EFTUD2: variants seen among roughly 807,000 people sequenced by gnomAD.
EFTUD2 encodes 116 kDa U5 small nuclear ribonucleoprotein component.
EFTUD2 carries 9 observed loss-of-function variants against 114.3 expected under a neutral mutation model. The observed-to-expected ratio is 0.08, with a 90% CI of 0.05 to 0.14. The LOEUF is 0.14. EFTUD2 is among the 10% of genes least tolerant of loss of function. The pLI, the probability that EFTUD2 is intolerant of heterozygous loss-of-function variation, is 1.00. For synonymous variants in EFTUD2, 449 were observed against 462.3 expected, an observed-to-expected ratio of 0.97 and a Z score of 0.37; for missense variants, 765 against 1,241.2, an observed-to-expected ratio of 0.62 and a Z score of 5.76.
At chr17:44,852,123 G>A (rs751635098) in intron 26 of EFTUD2, among the ~76,000 whole-genome samples, 55 of 151,924 alleles carry the variant, frequency 3.6e-4, no homozygotes, top group Non-Finnish European at 6.3e-4. Context: ...CTGCATGTTG[G>A]TCAAGCTGGT....
intron 4 of EFTUD2, among the ~76,000 whole-genome samples, chr17:44,884,591 T>C (rs1561967): frequency 0.26 from 39,721 of 151,474 alleles, 5,282 homozygotes; most frequent in Non-Finnish European, 0.28. Flanking sequence ...TTGCTCTCCT[T>C]TTCAAAATAA....
intron 9 of EFTUD2, among the ~76,000 whole-genome samples, chr17:44,878,106 A>T (rs1374302839): frequency 2.6e-5 from 4 of 152,234 alleles, no homozygotes. Context: ...ACTTCACTCC[A>T]GCCTGGGCAA....
Position 44,853,509 on chromosome 17 carries a change from T to C in EFTUD2, c.2466+8A>G, listed in dbSNP as rs1422774479. On this transcript the variant is annotated splice_region_variant and intron_variant, in intron 24 of 27. Transcript: ENST00000426333. ...AGCAGATGGTCCCCTACCGCCCCAT[T>C]CTCTTACCATGAGGAAGGCAGAGTA... 1 of 1,614,034 alleles carries C rather than the reference T, an allele frequency of 6.2e-7. No individual in the cohort carries two copies. The highest frequency in any genetic ancestry group is 1.7e-5 in the Admixed American group (1 of 60,006).
intron 20 of EFTUD2, among the ~76,000 whole-genome samples, chr17:44,856,115 A>G (rs2145443232): frequency 8.1e-6 from 1 of 124,220 alleles, no homozygotes; most frequent in South Asian, 3.1e-4. Flanking sequence ...TGGGTGACGA[A>G]GTGAGACCCT....
intron 6 of EFTUD2, 90 bp from the exon 7 acceptor site, chr17:44,881,812 C>A (rs2051077632): frequency 4.0e-6 from 5 of 1,243,284 alleles, no homozygotes; most frequent in Non-Finnish European, 5.9e-6. Flanking sequence ...TACCTCCCAG[C>A]TCAAGGGTTT....
chr17:44,873,920 G>C (rs144244589), intron 10 of EFTUD2, among the ~76,000 whole-genome samples: 1,870 of 149,558 alleles, frequency 0.013, 69 homozygotes, highest in African/African-American at 0.044. Context: ...TTTTTTAGTA[G>C]AGATGGGGTT....
In EFTUD2 at chr17:44,854,187, A is replaced by G; in HGVS notation, c.2347+82T>C. 6.8e-7 allele frequency: 1 copy of G among 1,473,144 alleles called. No homozygotes were observed. 91.3% of individuals were successfully genotyped at this position (1,473,144 alleles called of 1,614,324 possible). On this transcript the variant is annotated intron_variant, in intron 23 of 27. Coordinates refer to ENST00000426333, the MANE Select transcript of EFTUD2 (RefSeq NM_004247.4). The surrounding 1 kb of genome is among the most constrained non-coding windows in gnomAD (Gnocchi z 4.3). ...CAAGCTGCTTCTCCTGCCGAATCCT[A>G]AAGATGGTGAGCCCATCCCACTCAT...
intron 25 of EFTUD2, 118 bp downstream of exon 25, chr17:44,853,177 CG>C: frequency 1.9e-6 from 2 of 1,038,356 alleles, no homozygotes; most frequent in Admixed American, 2.3e-5. Context: ...AATCAGCTCT[CG>C]GGGTTTCCAG....
At chr17:44,893,758 A>T (rs1049999695) in intron 2 of EFTUD2, among the ~76,000 whole-genome samples, 12 of 56,948 alleles carry the variant, frequency 2.1e-4, no homozygotes, top group African/African-American at 5.3e-4. Flanking sequence ...ATTGTTTTTT[A>T]AAAAAAGGTG....
chr17:44,881,556 T>C, intron 7 of EFTUD2, 131 bp downstream of exon 7: 1 of 947,610 alleles, frequency 1.1e-6, no homozygotes, highest in Admixed American at 2.0e-5. Flanking sequence ...GGAGATGGGA[T>C]GTGAGAAGTG....
intron 16 of EFTUD2, among the ~76,000 whole-genome samples, 170 bp downstream of exon 16, chr17:44,862,543 C>G (rs2050676561): frequency 6.6e-6 from 1 of 152,234 alleles, no homozygotes; most frequent in Non-Finnish European, 1.5e-5. Flanking sequence ...CCCAGCAAAC[C>G]TGGGACAGGA....
At chr17:44,867,941 C>T (rs368469429) in intron 12 of EFTUD2, 44 bp from the exon 13 acceptor site, 174 of 1,513,092 alleles carry the variant, frequency 1.1e-4, no homozygotes, top group Non-Finnish European at 1.5e-4. Flanking sequence ...GGAAAAGGCA[C>T]TATCACTGAT....
intron 13 of EFTUD2, among the ~76,000 whole-genome samples, chr17:44,867,596 G>A (rs537134275): frequency 4.4e-4 from 67 of 151,878 alleles, no homozygotes; most frequent in African/African-American, 1.4e-3. Context: ...CACCATGCCC[G>A]GGCCCCTTTC....
intron 13 of EFTUD2, among the ~76,000 whole-genome samples, chr17:44,866,384 A>C (rs1309955109): frequency 6.6e-6 from 1 of 151,942 alleles, no homozygotes; most frequent in Non-Finnish European, 1.5e-5. Flanking sequence ...AGCTGGGACC[A>C]CAAGTGCACA....
intron 23 of EFTUD2, chr17:44,853,883 T>C: frequency 7.2e-7 from 1 of 1,386,526 alleles, no homozygotes; most frequent in Non-Finnish European, 9.3e-7. Flanking sequence ...AGAAGTTTAT[T>C]TCCTTCTTCT....
At chr17:44,887,814 T>G (rs1006455598) in intron 2 of EFTUD2, among the ~76,000 whole-genome samples, 1 of 152,202 alleles carries the variant, frequency 6.6e-6, no homozygotes, top group African/African-American at 2.4e-5. Context: ...ACTTTACAAT[T>G]AAATAACTTC....
chr17:44,856,974 C>G, intron 20 of EFTUD2, 101 bp downstream of exon 20: 1 of 969,268 alleles, frequency 1.0e-6, no homozygotes, highest in Non-Finnish European at 1.6e-6. Context: ...CTGTAGAGGT[C>G]TCTATGTGCA....
intron 25 of EFTUD2, 149 bp downstream of exon 25, chr17:44,853,147 G>A (rs550899769): frequency 2.5e-4 from 195 of 783,332 alleles, no homozygotes; most frequent in Non-Finnish European, 3.4e-4. Flanking sequence ...GCCTCCCTCC[G>A]CTCCTACTTC....
In EFTUD2 at chr17:44,850,963, G is replaced by C. The variant is rs2050437394; in HGVS notation, c.*311C>G. On this transcript the variant is annotated 3_prime_UTR_variant, in exon 28 of 28. Transcript: ENST00000426333. ...AACCATGGCTAAGGTCAAACTTGTAGAAAATAAAATTCCATGTAAATCCCA... is the reference window on the plus strand; with the variant it reads ...AACCATGGCTAAGGTCAAACTTGTACAAAATAAAATTCCATGTAAATCCCA... 2.7e-6 allele frequency: 1 copy of C among 369,180 alleles called. No homozygotes were observed. Among genetic ancestry groups the C allele is most frequent in the Non-Finnish European group, 5.1e-6 (1 of 197,398 alleles). 22.9% of individuals were successfully genotyped at this position (369,180 alleles called of 1,614,324 possible). A position where few individuals can be genotyped will look rare whatever the true frequency, so the allele number is the denominator to read the frequency against.
Sources: gnomAD v4.1 joint callset for allele counts (sites outside exome capture counted in the v4.1 genomes callset) on GRCh38, gnomAD v4.1.1 for gene constraint, Gnocchi (gnomAD v3.1) non-coding constraint, MANE v1.5 for transcripts, NCBI Gene and HGNC (gene_info 2026-07-23, HGNC 2026-07-21) for gene names.